The following FLNC variants were observed in gnomAD, a reference collection of about 807,000 sequenced individuals.
FLNC encodes filamin-C.
In FLNC, 91 loss-of-function variants were observed where a neutral mutation model predicts 254.3. That is an observed-to-expected ratio of 0.36 (90% CI 0.30 to 0.43). The LOEUF is 0.43. Among genes scored for constraint, FLNC ranks in the 20% least tolerant of loss-of-function variants. The pLI, the probability that FLNC is intolerant of heterozygous loss-of-function variation, is 1.00. For missense variants in FLNC, 2,853 were observed against 3,802.6 expected, an observed-to-expected ratio of 0.75 and a Z score of 6.57; for synonymous variants, 1,430 against 1,577.2, an observed-to-expected ratio of 0.91 and a Z score of 2.21.
rs369534561 is a variant in FLNC at position 128,835,453 on chromosome 7, G to A, written c.480G>A (p.Thr160=). 8.8e-5 allele frequency: 142 copies of A among 1,613,872 alleles called. 1 individual carries two copies. In the East Asian group the frequency reaches 2.7e-3, roughly 30 times the overall value. ...DEDDEDARKQ[T]PKQRLLGWIQ... ...ATGATGAGGATGCCCGCAAACAGAC[G>A]CCCAAGCAGCGGCTGCTTGGCTGGA... is the stretch of plus-strand genomic sequence containing the variant. The change falls in exon 2 of 48, where the codon ACG becomes ACA. Residue 160 remains threonine, a synonymous_variant. Transcript: ENST00000325888. This position sits in a 1 kb window ranked among gnomAD's most constrained non-coding sequence, Gnocchi z 5.3.
chr7:128,833,638 G>C (rs1644330294), intron 1 of FLNC, among the ~76,000 whole-genome samples: 1 of 152,058 alleles, frequency 6.6e-6, no homozygotes, highest in African/African-American at 2.4e-5. Flanking sequence ...AACCCCTGCA[G>C]CCTCAAGGCT....
Position 128,842,415 on chromosome 7 carries a change from C to T in FLNC, c.2265+41C>T. 1 of 1,612,780 alleles carries T rather than the reference C, an allele frequency of 6.2e-7. No homozygotes were observed. Among genetic ancestry groups the T allele is most frequent in the South Asian group, 1.1e-5 (1 of 91,074 alleles). On this transcript the variant is annotated intron_variant, in intron 14 of 47. Transcript: ENST00000325888. This position sits in a 1 kb window ranked among gnomAD's most constrained non-coding sequence, Gnocchi z 5.4. ...CTGCCCCGTGCCCACCACCAGGGGT[C>T]CCTGAGGGAGGGCGGAACCCTCGCT... is the stretch of plus-strand genomic sequence containing the variant.
intron 1 of FLNC, among the ~76,000 whole-genome samples, chr7:128,834,373 T>TGGGTGGAGTGTGTCAGCTCCTGA (rs1402439970): frequency 8.7e-5 from 12 of 138,686 alleles, no homozygotes; most frequent in African/African-American, 3.3e-4. Flanking sequence ...AAGGAGGTGA[T>TGGGTGGAGTGTGTCAGCTCCTGA]GGGTGGAGTG....
Position 128,835,022 on chromosome 7 carries a change from T to A in FLNC, c.353-304T>A, listed in dbSNP as rs951422778. Among the ~76,000 whole-genome samples, 5 of 152,098 alleles carry A rather than the reference T, an allele frequency of 3.3e-5. No homozygotes were observed. Among genetic ancestry groups the A allele is most frequent in the African/African-American group, 1.2e-4 (5 of 41,396 alleles). On this transcript the variant is annotated intron_variant, in intron 1 of 47. Coordinates refer to ENST00000325888, the MANE Select transcript of FLNC (RefSeq NM_001458.5). This position sits in a 1 kb window ranked among gnomAD's most constrained non-coding sequence, Gnocchi z 5.3. Reference sequence around the variant, plus strand: ...AGGCTCTGCCCTGGGAGCCTTACAATCCCACAAGGCCAGAAAGAAACCAGG... The same window carrying A: ...AGGCTCTGCCCTGGGAGCCTTACAAACCCACAAGGCCAGAAAGAAACCAGG...
rs1349110023 is a variant in FLNC at position 128,842,870 on chromosome 7, C to T, written c.2466C>T (p.Ile822=). ...AGGCTGACATTGACTTCGACATCAT[C>T]AAGAATGACAACGACACCTTCACCG... The part of the protein sequence containing the change: ...PAEADIDFDI[I]KNDNDTFTVK... The change falls in exon 16 of 48, where the codon ATC becomes ATT. Residue 822 remains isoleucine (I), a synonymous_variant. Transcript: ENST00000325888. This position sits in a 1 kb window ranked among gnomAD's most constrained non-coding sequence, Gnocchi z 5.4. 21 of 1,613,946 alleles carry T rather than the reference C, an allele frequency of 1.3e-5. No individual in the cohort carries two copies. Among genetic ancestry groups the T allele is most frequent in the Non-Finnish European group, 1.6e-5 (19 of 1,180,040 alleles).
chr7:128,844,460 C>T (rs1279455551), intron 20 of FLNC, among the ~76,000 whole-genome samples, 194 bp downstream of exon 20: 2 of 152,234 alleles, frequency 1.3e-5, no homozygotes, highest in East Asian at 3.8e-4. Flanking sequence ...CTTGGAGTCA[C>T]ACCTGGGCTT....
In FLNC at chr7:128,848,208, C is replaced by T. The variant is rs571608386; in HGVS notation, c.4580+140C>T. Reference sequence around the variant, plus strand: ...CTCGTCCAGTCTCGCCACCCCATCCCGCTCTTCCCCGGGGCTCTCTGCTGT... The same window carrying T: ...CTCGTCCAGTCTCGCCACCCCATCCTGCTCTTCCCCGGGGCTCTCTGCTGT... On this transcript the variant is annotated intron_variant, in intron 26 of 47. Coordinates refer to ENST00000325888, the MANE Select transcript of FLNC (RefSeq NM_001458.5). The T allele has an allele frequency of 6.3e-5, 70 of 1,104,734 alleles. 1 individual carries two copies. The South Asian group carries it at 6.6e-4, about 10-fold the overall frequency. The allele number at this position is 1,104,734 out of a possible 1,614,324, so 68.4% of individuals were successfully genotyped here. A position where few individuals can be genotyped will look rare whatever the true frequency, so the allele number is the denominator to read the frequency against.
At chr7:128,833,266 G>T (rs1807965710) in intron 1 of FLNC, among the ~76,000 whole-genome samples, 1 of 152,220 alleles carries the variant, frequency 6.6e-6, no homozygotes, top group Non-Finnish European at 1.5e-5. Flanking sequence ...GCGGGAGGGG[G>T]CAGCAGCTGT....
In FLNC at chr7:128,830,696, A is replaced by C. The variant is rs1478918808; in HGVS notation, c.59A>C (p.Glu20Ala). 11 of 1,612,766 alleles carry C rather than the reference A, an allele frequency of 6.8e-6. No homozygotes were observed. The highest frequency in any genetic ancestry group is 1.3e-5 in the African/African-American group (1 of 74,938). Residue 20 changes from glutamate to alanine, a missense_variant, in exon 1 of 48, where the codon GAG becomes GCG. By Grantham distance (107) the Glu-to-Ala change is moderately radical (BLOSUM62 -1). Around this residue, in one of 10 missense-constraint regions of FLNC, gnomAD observed 37 missense variants for 32.7 expected, o/e 1.13. Transcript: ENST00000325888. ...CTCGGCCTGGGCGATGAGACAGACGAGATGCCGTCCACGGAGAAGGACCTG... is the reference window on the plus strand; with the variant it reads ...CTCGGCCTGGGCGATGAGACAGACGCGATGCCGTCCACGGAGAAGGACCTG... ...AGLGLGDETD[E>A]MPSTEKDLAE...
intron 8 of FLNC, 69 bp from the exon 9 acceptor site, chr7:128,839,954 A>C: frequency 6.3e-7 from 1 of 1,587,516 alleles, no homozygotes; most frequent in East Asian, 2.2e-5. Flanking sequence ...AGGACTGTGC[A>C]CAGGGAGGTG....
intron 9 of FLNC, 110 bp downstream of exon 9, chr7:128,840,270 C>T: frequency 2.2e-6 from 3 of 1,367,236 alleles, no homozygotes; most frequent in Non-Finnish European, 3.1e-6. Flanking sequence ...CACAGCTCCA[C>T]AGTGACCAGA....
At position 128,830,552 on chromosome 7, in the gene FLNC, C is replaced by T. The variant is rs988097128; in HGVS notation, c.-86C>T. ...GAGAGCAGCGCAGCGCAGCGAGTCC[C>T]GTGGTCGCGCCCCAACAGCGCCCGA... On this transcript the variant is annotated 5_prime_UTR_variant, in exon 1 of 48. Transcript: ENST00000325888. 2 of 1,116,946 alleles carry T rather than the reference C, an allele frequency of 1.8e-6. No individual in the cohort carries two copies. The highest frequency in any genetic ancestry group is 2.7e-6 in the Non-Finnish European group (2 of 752,612). The allele number at this position is 1,116,946 out of a possible 1,614,324, so 69.2% of individuals were successfully genotyped here. A position where few individuals can be genotyped will look rare whatever the true frequency, so the allele number is the denominator to read the frequency against.
At chr7:128,851,034 T>TGAAA in intron 33 of FLNC, 91 bp downstream of exon 33, 1 of 1,561,486 alleles carries the variant, frequency 6.4e-7, no homozygotes. Context: ...AAATATTTAT[T>TGAAA]GAGCACCCGC....
In FLNC at chr7:128,854,052, C is replaced by G. The variant is rs769574342; in HGVS notation, c.6563C>G (p.Thr2188Arg). The change falls in exon 40 of 48, where the codon ACG becomes AGG. Residue 2188 changes from threonine (T) to arginine (R), a missense_variant. Thr to Arg is a moderately conservative substitution (Grantham distance 71). Coordinates refer to ENST00000325888, the MANE Select transcript of FLNC (RefSeq NM_001458.5). ...FTRSSHTYTR[T>R]ERTEISKTRG... ...CGCAGCAGCCACACCTACACCCGCA[C>G]GGAGCGCACGGAGATCAGCAAGACG... 1.2e-6 allele frequency: 2 copies of G among 1,613,142 alleles called. No individual in the cohort carries two copies. Among genetic ancestry groups the G allele is most frequent in the African/African-American group, 1.3e-5 (1 of 74,950 alleles).
chr7:128,844,572 T>A (rs1168612478), intron 20 of FLNC, 86 bp from the exon 21 acceptor site: 1 of 1,233,272 alleles, frequency 8.1e-7, no homozygotes, highest in Admixed American at 1.7e-5. Context: ...GCAGCCACAG[T>A]TGGAGGTGAT....
At position 128,846,142 on chromosome 7, in the gene FLNC, C is replaced by T; in HGVS notation, c.3943C>T (p.Gln1315Ter). 6.2e-7 allele frequency: 1 copy of T among 1,613,822 alleles called. No homozygotes were observed. The highest frequency in any genetic ancestry group is 8.5e-7 in the Non-Finnish European group (1 of 1,179,956). ...TDNGDGTYRV[Q>*]YTAYEEGVHL... ...CAATGGGGACGGCACCTACCGAGTG[C>T]AGTACACCGCCTACGAGGAGGGTGA... is the stretch of plus-strand genomic sequence containing the variant. Residue 1315 changes from glutamine to a stop codon, truncating the protein, a stop_gained, in exon 22 of 48, where the codon CAG (glutamine) becomes TAG (stop). Transcript: ENST00000325888. LOFTEE classifies it high-confidence loss of function.
chr7:128,848,949 C>T lies in FLNC; in HGVS notation c.4894C>T (p.Pro1632Ser). ...CTCGCCCTTCCGCATCCATGCTCTGCCCACTGGGGATGCCAGCAAGTGCCT... is the reference window on the plus strand; with the variant it reads ...CTCGCCCTTCCGCATCCATGCTCTGTCCACTGGGGATGCCAGCAAGTGCCT... ...PYSPFRIHAL[P>S]TGDASKCLVT... Residue 1632 changes from proline to serine, a missense_variant, in exon 28 of 48, where the codon CCC (proline) becomes TCC (serine). Coordinates refer to ENST00000325888, the MANE Select transcript of FLNC (RefSeq NM_001458.5). 2 of 1,612,880 alleles carry T rather than the reference C, an allele frequency of 1.2e-6. No individual in the cohort carries two copies. The highest frequency in any genetic ancestry group is 2.2e-5 in the East Asian group (1 of 44,860).
Position 128,838,634 on chromosome 7 carries a change from C to T in FLNC, c.1242C>T (p.Ile414=), listed in dbSNP as rs761922411. The change falls in exon 8 of 48, where the codon ATC becomes ATT. Residue 414 remains isoleucine (I), a synonymous_variant. Coordinates refer to ENST00000325888, the MANE Select transcript of FLNC (RefSeq NM_001458.5). ...GCACTGGCGATGTTGCTGTGGTGAT[C>T]GTGGACCCACAGGGCCGGCGGGACA... The part of the protein sequence containing the change: ...GAGTGDVAVV[I]VDPQGRRDTV... 156 of 1,612,904 alleles carry T rather than the reference C, an allele frequency of 9.7e-5. No individual in the cohort carries two copies. The highest frequency in any genetic ancestry group is 1.5e-4 in the African/African-American group (11 of 74,914).
rs61448157 is a variant in FLNC, at chr7:128,839,928, C to T, written c.1412-95C>T. The T allele has an allele frequency of 4.4e-5, 67 of 1,510,174 alleles. No homozygotes were observed. In the Middle Eastern group the frequency reaches 9.2e-4, roughly 21 times the overall value. 93.5% of individuals were successfully genotyped at this position (1,510,174 alleles called of 1,614,324 possible). A position where few individuals can be genotyped will look rare whatever the true frequency, so the allele number is the denominator to read the frequency against. On this transcript the variant is annotated intron_variant, in intron 8 of 47. Transcript: ENST00000325888. ...GCAGGGCCGTGGGCCACTGCCTGTGCCTGGGAGGGGTTAGAAGGACTGTGC... is the reference window on the plus strand; with the variant it reads ...GCAGGGCCGTGGGCCACTGCCTGTGTCTGGGAGGGGTTAGAAGGACTGTGC...
Sources: allele counts gnomAD v4.1 joint callset (sites outside exome capture counted in the v4.1 genomes callset), GRCh38; gene constraint gnomAD v4.1.1; regional missense constraint gnomAD v4.1.1; non-coding constraint Gnocchi (gnomAD v3.1); transcripts MANE v1.5; gene names NCBI Gene and HGNC (gene_info 2026-07-23, HGNC 2026-07-21).